PVT1: variants seen among roughly 807,000 people sequenced by gnomAD.
PVT1 encodes CXCR4/PVT1 fusion.
intron 2 of PVT1, among the ~76,000 whole-genome samples, chr8:127,803,970 C>A (rs113347759): frequency 6.6e-6 from 1 of 151,926 alleles, no homozygotes; most frequent in South Asian, 2.1e-4. Context: ...CTGCCTGCCT[C>A]GGCCTCCCAA....
intron 3 of PVT1, among the ~76,000 whole-genome samples, chr8:127,956,773 G>A (rs56294136): frequency 0.012 from 1,888 of 152,350 alleles, 39 homozygotes; most frequent in African/African-American, 0.041. Context: ...GTGAGCCACT[G>A]CGCCCTGCCA....
chr8:128,035,913 T>C (rs1248622485), intron 4 of PVT1, among the ~76,000 whole-genome samples: 2 of 152,266 alleles, frequency 1.3e-5, no homozygotes, highest in Admixed American at 6.5e-5. Flanking sequence ...CCAGCCCTGC[T>C]GATGCCTTGC....
intron 3 of PVT1, among the ~76,000 whole-genome samples, chr8:127,930,491 G>T (rs762974583): frequency 6.6e-6 from 1 of 152,108 alleles, no homozygotes; most frequent in Admixed American, 6.5e-5. Context: ...AAATAAACCC[G>T]GGTTTGAATT....
At chr8:127,850,430 A>G (rs1186925210) in intron 2 of PVT1, among the ~76,000 whole-genome samples, 5 of 152,190 alleles carry the variant, frequency 3.3e-5, no homozygotes, top group Admixed American at 2.6e-4. Flanking sequence ...TTTGGTTATG[A>G]TGCCACGGCC....
At chr8:127,925,366 G>A (rs930848074) in intron 3 of PVT1, among the ~76,000 whole-genome samples, 1 of 152,132 alleles carries the variant, frequency 6.6e-6, no homozygotes, top group Non-Finnish European at 1.5e-5. Context: ...AAAAAATCTA[G>A]TTGAAAAATC....
intron 2 of PVT1, among the ~76,000 whole-genome samples, chr8:127,887,076 C>T (rs1487671013): frequency 6.6e-6 from 1 of 152,218 alleles, no homozygotes; most frequent in African/African-American, 2.4e-5. Flanking sequence ...CTACTCCATA[C>T]AAACTTGGCT....
chr8:128,041,150 G>T (rs1291299439), intron 4 of PVT1, among the ~76,000 whole-genome samples: 1 of 148,890 alleles, frequency 6.7e-6, no homozygotes, highest in African/African-American at 2.5e-5. Flanking sequence ...GTGTGTTTCT[G>T]CTTGTATGTG....
chr8:127,874,200 A>G (rs893763950), intron 2 of PVT1, among the ~76,000 whole-genome samples: 1 of 152,198 alleles, frequency 6.6e-6, no homozygotes, highest in Non-Finnish European at 1.5e-5. Context: ...TGACAGGCTT[A>G]GGATTTAAAT....
In PVT1 at chr8:128,084,706, T is replaced by G. The variant is rs76738733; in HGVS notation, n.1115-11812T>G. ...GCTGACAGAATTCTAAGCCTGATGT[T>G]TCTTATGAGCCTGCTCAATTGGCCC... On this transcript the variant is annotated intron_variant and non_coding_transcript_variant, in intron 5 of 10. Transcript: ENST00000651587. Among the ~76,000 whole-genome samples the G allele has an allele frequency of 6.2e-3, 945 of 152,314 alleles. 29 individuals carry two copies. In the East Asian group the frequency reaches 0.079, roughly 13 times the overall value.
chr8:128,091,344 A>C (rs942733960), intron 5 of PVT1, among the ~76,000 whole-genome samples: 1 of 152,140 alleles, frequency 6.6e-6, no homozygotes, highest in Non-Finnish European at 1.5e-5. Flanking sequence ...CTAAGCCTGC[A>C]CTGCTATGGG....
In PVT1 at chr8:127,985,484, C is replaced by G. The variant is rs150437000; in HGVS notation, n.783-3678C>G. Among the ~76,000 whole-genome samples, 249 of 151,126 alleles carry G rather than the reference C, an allele frequency of 1.6e-3. 1 individual carries two copies. The highest frequency in any genetic ancestry group is 5.7e-3 in the African/African-American group (233 of 41,050). ...GATTTACAGATGAAGACCAGAGAAG[C>G]TAGGCTGACTTCCCATGTTGACACA... On this transcript the variant is annotated intron_variant and non_coding_transcript_variant, in intron 3 of 10. Transcript: ENST00000651587.
chr8:128,072,967 G>A (rs1814015744), intron 5 of PVT1, among the ~76,000 whole-genome samples: 1 of 152,038 alleles, frequency 6.6e-6, no homozygotes, highest in Non-Finnish European at 1.5e-5. Context: ...CTAAGTAGCT[G>A]GGATTACAGT....
At chr8:128,041,284 G>A (rs894599777) in intron 4 of PVT1, among the ~76,000 whole-genome samples, 3 of 141,954 alleles carry the variant, frequency 2.1e-5, no homozygotes, top group Non-Finnish European at 4.6e-5. Context: ...GTGTGTTTAT[G>A]CTTGTATGTT....
At chr8:127,953,608 T>A (rs1037643479) in intron 3 of PVT1, among the ~76,000 whole-genome samples, 1 of 152,238 alleles carries the variant, frequency 6.6e-6, no homozygotes, top group African/African-American at 2.4e-5. Context: ...AACCATGAGA[T>A]AAATTGAACG....
intron 3 of PVT1, among the ~76,000 whole-genome samples, chr8:127,958,100 T>A (rs560365841): frequency 5.5e-4 from 84 of 152,284 alleles, no homozygotes; most frequent in African/African-American, 1.9e-3. Context: ...ATGGACAGAG[T>A]GGTTGGTTGG....
chr8:127,936,703 C>A (rs767938159), intron 3 of PVT1, among the ~76,000 whole-genome samples: 1 of 152,236 alleles, frequency 6.6e-6, no homozygotes, highest in Non-Finnish European at 1.5e-5. Flanking sequence ...GCTGCTTCCT[C>A]TCCTGCTTCC....
intron 4 of PVT1, among the ~76,000 whole-genome samples, chr8:128,011,922 G>A (rs1336271152): frequency 3.9e-5 from 6 of 152,166 alleles, no homozygotes; most frequent in Non-Finnish European, 7.4e-5. Context: ...TATCCACACA[G>A]GGACTGTATT....
intron 4 of PVT1, among the ~76,000 whole-genome samples, chr8:127,997,056 TG>T (rs534369794): frequency 0.027 from 3,499 of 130,766 alleles, 715 homozygotes; most frequent in South Asian, 0.033. Context: ...TTTTTTTTTT[TG>T]TTTGTTTGTT....
chr8:127,975,650 A>G (rs1816815754), intron 3 of PVT1, among the ~76,000 whole-genome samples: 1 of 152,236 alleles, frequency 6.6e-6, no homozygotes, highest in South Asian at 2.1e-4. Flanking sequence ...GGGGTTCTGC[A>G]TGAAATCACT....
Sources: gnomAD v4.1 joint callset for allele counts (sites outside exome capture counted in the v4.1 genomes callset) on GRCh38, gnomAD v4.1.1 for gene constraint, MANE v1.5 for transcripts, NCBI Gene and HGNC (gene_info 2026-07-23, HGNC 2026-07-21) for gene names.